The following CHRNA7 variants were observed in gnomAD, a reference collection of about 807,000 sequenced individuals.
The protein encoded by CHRNA7 is cholinergic receptor nicotinic alpha 7 subunit.
Under a neutral mutation model 48.0 loss-of-function variants are expected in CHRNA7, and 17 were observed. That is an observed-to-expected ratio of 0.35 (90% confidence interval 0.24 to 0.53). The LOEUF is 0.53. Among genes scored for constraint, CHRNA7 ranks in the 20% least tolerant of loss-of-function variants. The pLI is 0.92. For synonymous variants in CHRNA7, 75 were observed against 242.3 expected (o/e 0.31, Z 6.41); for missense variants, 155 against 577.7 (o/e 0.27, Z 7.50).
intron 2 of CHRNA7, among the ~76,000 whole-genome samples, chr15:32,038,007 C>T (rs1469516574): frequency 6.7e-6 from 1 of 148,922 alleles, no homozygotes; most frequent in Non-Finnish European, 1.5e-5. Flanking sequence ...GGGAAAGCTT[C>T]AGTTTTCTTA....
Position 32,163,288 on chromosome 15 carries a change from C to T in CHRNA7, c.943C>T (p.Leu315=). The T allele has an allele frequency of 1.3e-6, 1 of 782,884 alleles. No homozygotes were observed. The highest frequency in any genetic ancestry group is 3.2e-5 in the East Asian group (1 of 31,254). 48.5% of individuals were successfully genotyped at this position (782,884 alleles called of 1,614,324 possible). Residue 315 remains leucine, a synonymous_variant, in exon 9 of 10, where the codon CTG becomes TTG. Coordinates refer to ENST00000306901, the MANE Select transcript of CHRNA7 (RefSeq NM_000746.6). ...CTCGGTGGTGGTGACAGTGATCGTGCTGCAGTACCACCACCACGACCCCGA... is the reference window on the plus strand; with the variant it reads ...CTCGGTGGTGGTGACAGTGATCGTGTTGCAGTACCACCACCACGACCCCGA... ...GLSVVVTVIV[L]QYHHHDPDGG...
At chr15:32,135,446 A>G (rs941677476) in intron 4 of CHRNA7, among the ~76,000 whole-genome samples, 6 of 152,212 alleles carry the variant, frequency 3.9e-5, no homozygotes, top group South Asian at 2.1e-4. Flanking sequence ...GAACTTGTTT[A>G]TCTAAAGGGG....
chr15:32,122,887 C>CAAAAAAAAAAAAAAAAAA (rs61151556), intron 4 of CHRNA7, among the ~76,000 whole-genome samples: 1 of 107,918 alleles, frequency 9.3e-6, no homozygotes, highest in Non-Finnish European at 1.9e-5. Flanking sequence ...GCTCTCAAAG[C>CAAAAAAAAAAAAAAAAAA]AAAAAAAAAA....
At chr15:32,141,214 C>T (rs891797973) in intron 4 of CHRNA7, among the ~76,000 whole-genome samples, 1 of 152,126 alleles carries the variant, frequency 6.6e-6, no homozygotes, top group African/African-American at 2.4e-5. Context: ...TCAGGTTTGT[C>T]AAAGATCAGA....
chr15:32,050,263 C>T (rs2049643361), intron 2 of CHRNA7, among the ~76,000 whole-genome samples: 1 of 152,136 alleles, frequency 6.6e-6, no homozygotes, highest in African/African-American at 2.4e-5. Flanking sequence ...TTCCATTCTC[C>T]CCGTCATTTT....
At chr15:32,073,058 G>C (rs1465909090) in intron 2 of CHRNA7, among the ~76,000 whole-genome samples, 1 of 152,230 alleles carries the variant, frequency 6.6e-6, no homozygotes, top group East Asian at 1.9e-4. Context: ...GCCACTGTCA[G>C]CTTGCACCCT....
intron 4 of CHRNA7, among the ~76,000 whole-genome samples, chr15:32,124,280 G>A (rs532330434): frequency 1.4e-4 from 21 of 152,140 alleles, no homozygotes; most frequent in African/African-American, 3.9e-4. Context: ...GACAAAATAC[G>A]TAAAAAGGGA....
chr15:32,139,566 C>T (rs879610411), intron 4 of CHRNA7, among the ~76,000 whole-genome samples: 4 of 148,096 alleles, frequency 2.7e-5, no homozygotes, highest in African/African-American at 7.5e-5. Context: ...CTAATAGATG[C>T]GTAGTGGTGT....
At chr15:32,101,979 C>T (rs1214834856) in intron 3 of CHRNA7, 1 of 152,194 alleles carries the variant, frequency 6.6e-6, no homozygotes, top group African/African-American at 2.4e-5. Context: ...CCATCTCATT[C>T]AAACACCATA....
At chr15:32,053,297 G>C (rs2049725453) in intron 2 of CHRNA7, among the ~76,000 whole-genome samples, 1 of 152,202 alleles carries the variant, frequency 6.6e-6, no homozygotes, top group Admixed American at 6.5e-5. Flanking sequence ...GCTGTTAAAG[G>C]AAGAGAAATA....
At chr15:32,041,015 A>G (rs1470013644) in intron 2 of CHRNA7, among the ~76,000 whole-genome samples, 1 of 151,778 alleles carries the variant, frequency 6.6e-6, no homozygotes, top group East Asian at 1.9e-4. Flanking sequence ...TGTAAGTCAG[A>G]TGTAATTCTT....
At chr15:32,114,047 T>A in intron 4 of CHRNA7, among the ~76,000 whole-genome samples, 1 of 49,280 alleles carries the variant, frequency 2.0e-5, no homozygotes, top group East Asian at 7.5e-4. Flanking sequence ...TATATATGTA[T>A]ATATATATAT....
chr15:32,040,730 C>T (rs2049433945), intron 2 of CHRNA7, among the ~76,000 whole-genome samples: 1 of 151,784 alleles, frequency 6.6e-6, no homozygotes, highest in Non-Finnish European at 1.5e-5. Flanking sequence ...ATAAGAAAAA[C>T]AAAAGTTTTT....
intron 3 of CHRNA7, 115 bp from the exon 4 acceptor site, chr15:32,111,675 C>T (rs374572775): frequency 1.1e-5 from 7 of 618,934 alleles, no homozygotes; most frequent in African/African-American, 9.3e-5. Context: ...AATAGCAATT[C>T]AGTTATAATA....
At chr15:32,153,134 A>G (rs1044820188) in intron 4 of CHRNA7, among the ~76,000 whole-genome samples, 1 of 152,060 alleles carries the variant, frequency 6.6e-6, no homozygotes, top group Non-Finnish European at 1.5e-5. Flanking sequence ...CAAGATATAT[A>G]TGTGGGCCGG....
At chr15:32,070,596 T>C (rs569826264) in intron 2 of CHRNA7, among the ~76,000 whole-genome samples, 1 of 151,780 alleles carries the variant, frequency 6.6e-6, no homozygotes, top group Non-Finnish European at 1.5e-5. Context: ...AGGTTTATAG[T>C]TTAACATTCA....
At chr15:32,143,492 C>T (rs193237556) in intron 4 of CHRNA7, among the ~76,000 whole-genome samples, 13 of 152,088 alleles carry the variant, frequency 8.5e-5, no homozygotes, top group African/African-American at 9.6e-5. Flanking sequence ...CCTTCTGTCT[C>T]GTTGATCTAA....
chr15:32,084,042 A>G (rs1252827470), intron 2 of CHRNA7, among the ~76,000 whole-genome samples: 3 of 151,976 alleles, frequency 2.0e-5, no homozygotes, highest in Non-Finnish European at 4.4e-5. Flanking sequence ...TTGTGTTAAA[A>G]CTCTGTTTGA....
chr15:32,136,911 A>G (rs1329790914), intron 4 of CHRNA7, among the ~76,000 whole-genome samples: 1 of 150,134 alleles, frequency 6.7e-6, no homozygotes. Flanking sequence ...GGGCGCCTGT[A>G]GTCCCAGCTA....
Sources: gnomAD v4.1 joint callset for allele counts (sites outside exome capture counted in the v4.1 genomes callset) on GRCh38, gnomAD v4.1.1 for gene constraint, MANE v1.5 for transcripts, NCBI Gene and HGNC (gene_info 2026-07-23, HGNC 2026-07-21) for gene names.